CDH4: variants seen among roughly 807,000 people sequenced by gnomAD.
CDH4 encodes cadherin 4.
In CDH4, 33 loss-of-function variants were observed where a neutral mutation model predicts 86.0. The ratio of observed to expected loss-of-function variants is 0.38; its 90% CI spans 0.29 to 0.51. The LOEUF (loss-of-function observed/expected upper bound fraction) is 0.51, where lower values mean the gene tolerates loss of function less well. Among genes scored for constraint, CDH4 ranks in the 20% least tolerant of loss-of-function variants. The pLI, the probability that CDH4 is intolerant of heterozygous loss-of-function variation, is 0.86. For synonymous variants in CDH4, 555 were observed against 549.4 expected (o/e 1.01, Z -0.14); for missense variants, 1,114 against 1,307.4 (o/e 0.85, Z 2.28).
intron 2 of CDH4, among the ~76,000 whole-genome samples, chr20:61,585,074 C>T (rs1417055857): frequency 2.0e-5 from 3 of 152,216 alleles, no homozygotes; most frequent in Non-Finnish European, 2.9e-5. Flanking sequence ...CTGCATGTGA[C>T]AGATAAGGAA....
intron 2 of CDH4, among the ~76,000 whole-genome samples, chr20:61,294,541 A>G (rs1364657829): frequency 6.6e-6 from 1 of 152,226 alleles, no homozygotes; most frequent in Non-Finnish European, 1.5e-5. Flanking sequence ...GAAAGGCTGC[A>G]GAACTGGCCC....
intron 1 of CDH4, among the ~76,000 whole-genome samples, chr20:61,253,700 C>T (rs115033629): frequency 1.1e-3 from 164 of 152,266 alleles, no homozygotes; most frequent in African/African-American, 3.9e-3. Flanking sequence ...AAGGAATGAC[C>T]CTGCGTCCCG....
intron 2 of CDH4, among the ~76,000 whole-genome samples, chr20:61,679,290 A>G (rs73915324): frequency 0.036 from 5,454 of 152,160 alleles, 352 homozygotes; most frequent in African/African-American, 0.12. Flanking sequence ...TTTTTGCAGC[A>G]TAGTATAGAA....
At chr20:61,572,244 A>AGT (rs2086347323) in intron 2 of CDH4, among the ~76,000 whole-genome samples, 1 of 152,214 alleles carries the variant, frequency 6.6e-6, no homozygotes, top group Admixed American at 6.5e-5. Flanking sequence ...GTTTCCTTGA[A>AGT]GTGTGTGTGT....
Position 61,708,150 on chromosome 20 carries a change from A to G in CDH4, c.170-35413A>G, listed in dbSNP as rs570376452. On this transcript the variant is annotated intron_variant, in intron 2 of 15. Coordinates refer to ENST00000614565, the MANE Select transcript of CDH4 (RefSeq NM_001794.5). The surrounding 1 kb of genome is among the most constrained non-coding windows in gnomAD (Gnocchi z 4.5). ...CATCACCCAGCACAGCAGTGGTTTC[A>G]GGCAACAGCCCGGGAGGAAAACCTA... is the stretch of plus-strand genomic sequence containing the variant. 3.3e-5 allele frequency among the ~76,000 whole-genome samples: 5 copies of G among 152,254 alleles called. No individual in the cohort carries two copies. Among genetic ancestry groups the G allele is most frequent in the African/African-American group, 7.2e-5 (3 of 41,556 alleles).
At chr20:61,861,920 G>T (rs144727861) in intron 6 of CDH4, among the ~76,000 whole-genome samples, 3 of 152,178 alleles carry the variant, frequency 2.0e-5, no homozygotes, top group Non-Finnish European at 4.4e-5. Context: ...GCACTGTCCC[G>T]TTGAGAAACC....
rs529766549 is a variant in CDH4 at position 61,779,341 on chromosome 20, C to G, written c.576+6159C>G. Among the ~76,000 whole-genome samples, 13 of 152,250 alleles carry G rather than the reference C, an allele frequency of 8.5e-5. No homozygotes were observed. In the South Asian group the frequency reaches 2.5e-3, roughly 29 times the overall value. On this transcript the variant is annotated intron_variant, in intron 4 of 15. Coordinates refer to ENST00000614565, the MANE Select transcript of CDH4 (RefSeq NM_001794.5). ...AAGAAGTCATGCAAACCCTCGGGCC[C>G]CCCTGCCAGAGGACAAGCTAGGAAA...
chr20:61,346,450 A>G (rs971724949), intron 2 of CDH4, among the ~76,000 whole-genome samples: 5 of 152,132 alleles, frequency 3.3e-5, no homozygotes, highest in South Asian at 2.1e-4. Context: ...GGTTTAAATT[A>G]ACCCCTCTGC....
chr20:61,655,455 A>G (rs939391128), intron 2 of CDH4, among the ~76,000 whole-genome samples: 2 of 152,242 alleles, frequency 1.3e-5, no homozygotes, highest in Non-Finnish European at 2.9e-5. Context: ...TCCAGTTAAA[A>G]GAAACGGCCA....
chr20:61,338,451 C>T (rs951319724), intron 2 of CDH4, among the ~76,000 whole-genome samples: 2 of 152,150 alleles, frequency 1.3e-5, no homozygotes, highest in African/African-American at 2.4e-5. Context: ...GTTTTCTCAC[C>T]GTGAAGACTC....
chr20:61,497,216 A>G (rs899235272), intron 2 of CDH4, among the ~76,000 whole-genome samples: 1 of 151,986 alleles, frequency 6.6e-6, no homozygotes, highest in African/African-American at 2.4e-5. Context: ...ACTTTCTGGT[A>G]TGTTACTGGT....
intron 2 of CDH4, among the ~76,000 whole-genome samples, chr20:61,349,104 C>T (rs1448419437): frequency 6.6e-6 from 1 of 152,188 alleles, no homozygotes; most frequent in Non-Finnish European, 1.5e-5. Flanking sequence ...CTTGGAAGAT[C>T]ACACGTATGT....
chr20:61,522,732 C>G (rs1440604052), intron 2 of CDH4, among the ~76,000 whole-genome samples: 2 of 128,156 alleles, frequency 1.6e-5, no homozygotes, highest in Middle Eastern at 3.6e-3. Flanking sequence ...GCGGAAATGG[C>G]CGCGGGCTGT....
chr20:61,341,961 T>A (rs1277906274), intron 2 of CDH4, among the ~76,000 whole-genome samples: 1 of 152,188 alleles, frequency 6.6e-6, no homozygotes, highest in Non-Finnish European at 1.5e-5. Flanking sequence ...GGAAGCTGGT[T>A]GTTTAATCTG....
intron 2 of CDH4, among the ~76,000 whole-genome samples, chr20:61,630,792 G>A: frequency 6.6e-6 from 1 of 152,212 alleles, no homozygotes; most frequent in Admixed American, 6.5e-5. Flanking sequence ...GGTAGAAATA[G>A]GTAGAAAACA....
intron 8 of CDH4, among the ~76,000 whole-genome samples, chr20:61,908,375 C>T (rs1047345639): frequency 3.3e-5 from 5 of 152,186 alleles, no homozygotes; most frequent in Non-Finnish European, 5.9e-5. Flanking sequence ...TGTATTTCCC[C>T]GGACCCTGTT....
rs76944919 is a variant in CDH4 at position 61,620,436 on chromosome 20, A to G, written c.170-123127A>G. ...TGGATGATGGATGGATAGATAATAGATGCTTGATGGATGGATGATTGATAG... is the reference window on the plus strand; with the variant it reads ...TGGATGATGGATGGATAGATAATAGGTGCTTGATGGATGGATGATTGATAG... On this transcript the variant is annotated intron_variant, in intron 2 of 15. Coordinates refer to ENST00000614565, the MANE Select transcript of CDH4 (RefSeq NM_001794.5). 2.4e-3 allele frequency among the ~76,000 whole-genome samples: 366 copies of G among 151,854 alleles called. 5 individuals carry two copies. Among genetic ancestry groups the G allele is most frequent in the African/African-American group, 8.4e-3 (346 of 41,390 alleles).
At chr20:61,835,878 T>TC (rs1324904323) in intron 4 of CDH4, among the ~76,000 whole-genome samples, 1 of 152,074 alleles carries the variant, frequency 6.6e-6, no homozygotes, top group African/African-American at 2.4e-5. Context: ...TGTTAAGGGC[T>TC]CCCCAGACAG....
At chr20:61,765,486 G>A (rs1274459402) in intron 3 of CDH4, among the ~76,000 whole-genome samples, 1 of 152,194 alleles carries the variant, frequency 6.6e-6, no homozygotes, top group Non-Finnish European at 1.5e-5. Flanking sequence ...ACAGTTGTGG[G>A]GCTCACAGAT....
Sources: gnomAD v4.1 joint callset for allele counts (sites outside exome capture counted in the v4.1 genomes callset) on GRCh38, gnomAD v4.1.1 for gene constraint, Gnocchi (gnomAD v3.1) non-coding constraint, MANE v1.5 for transcripts, NCBI Gene and HGNC (gene_info 2026-07-23, HGNC 2026-07-21) for gene names.